Variants in CSF1R observed in about 807,000 individuals in gnomAD.
CSF1R encodes the protein colony stimulating factor 1 receptor.
Under a neutral mutation model 110.0 loss-of-function variants are expected in CSF1R, and 40 were observed. The ratio of observed to expected loss-of-function variants is 0.36; its 90% CI spans 0.28 to 0.47. The LOEUF is 0.47. Among genes scored for constraint, CSF1R ranks in the 20% least tolerant of loss-of-function variants. The pLI, the probability that CSF1R is intolerant of heterozygous loss-of-function variation, is 0.99. For missense variants in CSF1R, 1,052 were observed against 1,253.0 expected, an observed-to-expected ratio of 0.84 and a Z score of 2.42; for synonymous variants, 523 against 503.4, an observed-to-expected ratio of 1.04 and a Z score of -0.52.
intron 1 of CSF1R, among the ~76,000 whole-genome samples, chr5:150,101,135 C>T (rs1057122776): frequency 1.3e-5 from 2 of 151,848 alleles, no homozygotes; most frequent in Admixed American, 1.3e-4. Flanking sequence ...CGTGCAGGTG[C>T]TGCTTTGGCC....
rs1350384812 is a variant in CSF1R at position 150,077,364 on chromosome 5, T to A, written c.801A>T (p.Gln267His). ...YQKVLTLNLDQVDFQHAGNYS... is the reference protein window; with the variant it reads ...YQKVLTLNLDHVDFQHAGNYS... Reference sequence around the variant, plus strand: ...AGTTGCCGGCATGTTGGAAATCTACTTGATCGAGGTTGAGGGTCAGGACTT... The same window carrying A: ...AGTTGCCGGCATGTTGGAAATCTACATGATCGAGGTTGAGGGTCAGGACTT... Residue 267 changes from glutamine (Q) to histidine (H), a missense_variant, in exon 5 of 21, where the codon CAA becomes CAT. Transcript: ENST00000675795. 1 of 1,614,174 alleles carries A rather than the reference T, an allele frequency of 6.2e-7. No individual in the cohort carries two copies. Among genetic ancestry groups the A allele is most frequent in the East Asian group, 2.2e-5 (1 of 44,890 alleles).
Position 150,086,514 on chromosome 5 carries a change from G to T in CSF1R, c.-87C>A. 2 of 1,247,938 alleles carry T rather than the reference G, an allele frequency of 1.6e-6. No individual in the cohort carries two copies. The highest frequency in any genetic ancestry group is 1.3e-5 in the South Asian group (1 of 77,752). The allele number at this position is 1,247,938 out of a possible 1,614,324, so 77.3% of individuals were successfully genotyped here. A position where few individuals can be genotyped will look rare whatever the true frequency, so the allele number is the denominator to read the frequency against. On this transcript the variant is annotated 5_prime_UTR_variant, in exon 1 of 21. Coordinates refer to ENST00000675795, the MANE Select transcript of CSF1R (RefSeq NM_001288705.3). The stretch of plus-strand genomic sequence containing the variant: ...TCAGCTACTAGCTCCGCAGGGATCG[G>T]GACACTGGACACACGTTCCTCTCCT...
intron 5 of CSF1R, chr5:150,077,062 C>T: frequency 3.1e-6 from 2 of 640,290 alleles, no homozygotes; most frequent in Admixed American, 5.0e-5. Flanking sequence ...TGCAGCCATG[C>T]ACTGTAAGAG....
intron 14 of CSF1R, chr5:150,058,382 C>T (rs949891403): frequency 6.6e-6 from 3 of 454,318 alleles, no homozygotes; most frequent in African/African-American, 6.0e-5. Flanking sequence ...CCTGTCCCCT[C>T]TGCGCTAGAG....
rs766699111 is a variant in CSF1R, at chr5:150,061,738, TC to T, written c.1737del (p.Asn580ThrfsTer32). 1.2e-6 allele frequency: 2 copies of T among 1,614,198 alleles called. No homozygotes were observed. Among genetic ancestry groups the T allele is most frequent in the Non-Finnish European group, 1.7e-6 (2 of 1,180,038 alleles). ...GCCATCTCACCAAACTGCAGGTTGTTCCGGGGGAACTCCCACTTCTCGTTGT... is the reference window on the plus strand; with the variant it reads ...GCCATCTCACCAAACTGCAGGTTGTTCGGGGGAACTCCCACTTCTCGTTGT... The part of the protein sequence containing the change: ...LPYNEKWEFP[R>X]NNLQFGKTLG... On this transcript the variant is annotated frameshift_variant, in exon 11 of 21. Coordinates refer to ENST00000675795, the MANE Select transcript of CSF1R (RefSeq NM_001288705.3). LOFTEE classifies it high-confidence loss of function.
At chr5:150,058,308 C>T (rs1411065501) in intron 14 of CSF1R, 1 of 456,152 alleles carries the variant, frequency 2.2e-6, no homozygotes, top group Non-Finnish European at 4.4e-6. Flanking sequence ...ATTTGAGAAG[C>T]ACTACTGTAG....
chr5:150,107,109 G>A (rs982509780), intron 1 of CSF1R, among the ~76,000 whole-genome samples: 2 of 152,194 alleles, frequency 1.3e-5, no homozygotes, highest in African/African-American at 4.8e-5. Context: ...ATGAATGAAT[G>A]AATAAATGAA....
At chr5:150,064,061 T>C (rs1487110141) in intron 10 of CSF1R, among the ~76,000 whole-genome samples, 1 of 152,138 alleles carries the variant, frequency 6.6e-6, no homozygotes, top group Non-Finnish European at 1.5e-5. Flanking sequence ...ACAGAAAACC[T>C]ACATACCGCA....
chr5:150,112,015 GC>G (rs1488251551), intron 1 of CSF1R, among the ~76,000 whole-genome samples: 6 of 152,144 alleles, frequency 3.9e-5, no homozygotes, highest in Non-Finnish European at 8.8e-5. Flanking sequence ...GTGTTAAGCA[GC>G]CCCCTTAAAG....
At chr5:150,064,817 C>T (rs902249411) in intron 10 of CSF1R, among the ~76,000 whole-genome samples, 16 of 152,242 alleles carry the variant, frequency 1.1e-4, no homozygotes, top group South Asian at 4.1e-4. Flanking sequence ...TTTCTGGAAG[C>T]GGACCAAGCT....
At chr5:150,088,180 GAA>G (rs1311463151), upstream of CSF1R, among the ~76,000 whole-genome samples, 2 of 152,014 alleles carry the variant, frequency 1.3e-5, no homozygotes, top group Non-Finnish European at 2.9e-5. Flanking sequence ...TTCTTTTTCA[GAA>G]AAGTGTTTTG....
upstream of CSF1R, among the ~76,000 whole-genome samples, chr5:150,090,592 C>T (rs1209338880): frequency 2.0e-5 from 3 of 152,018 alleles, no homozygotes; most frequent in Non-Finnish European, 4.4e-5. Context: ...TGTAGAATCA[C>T]GCAATATGTA....
chr5:150,069,154 CA>C (rs1260668090), intron 9 of CSF1R, among the ~76,000 whole-genome samples: 2 of 152,178 alleles, frequency 1.3e-5, no homozygotes, highest in Non-Finnish European at 2.9e-5. Context: ...ACCCTGGTAG[CA>C]GTTGCTCCAA....
At chr5:150,067,145 C>G (rs1757809423) in intron 10 of CSF1R, 1 of 152,136 alleles carries the variant, frequency 6.6e-6, no homozygotes, top group Non-Finnish European at 1.5e-5. Flanking sequence ...GCCATGGGCT[C>G]TAGGGACAGA....
intron 1 of CSF1R, among the ~76,000 whole-genome samples, chr5:150,084,858 G>A (rs1332680596): frequency 6.6e-6 from 1 of 152,188 alleles, no homozygotes; most frequent in African/African-American, 2.4e-5. Context: ...ATAGGACAAG[G>A]CAGTGAAATC....
intron 4 of CSF1R, 57 bp downstream of exon 4, chr5:150,078,055 A>C: frequency 6.2e-7 from 1 of 1,605,042 alleles, no homozygotes; most frequent in East Asian, 2.2e-5. Context: ...CCACCATGGG[A>C]AACCTGGTGT....
intron 1 of CSF1R, among the ~76,000 whole-genome samples, chr5:150,098,852 A>G (rs1256532311): frequency 2.0e-5 from 3 of 151,582 alleles, no homozygotes; most frequent in African/African-American, 7.3e-5. Flanking sequence ...AGAAAACCTG[A>G]CAGTTTCAAG....
intron 10 of CSF1R, among the ~76,000 whole-genome samples, chr5:150,064,159 G>A (rs746084311): frequency 2.1e-4 from 32 of 152,236 alleles, no homozygotes; most frequent in Non-Finnish European, 3.4e-4. Flanking sequence ...CTAGAGCAGG[G>A]AGGGTGGAAG....
At chr5:150,099,725 G>T (rs1234472859) in intron 1 of CSF1R, among the ~76,000 whole-genome samples, 3 of 98,532 alleles carry the variant, frequency 3.0e-5, no homozygotes, top group Non-Finnish European at 5.8e-5. Context: ...TGGAGGGAGG[G>T]CTTCAAAGAA....
Sources: gnomAD v4.1 joint callset for allele counts (sites outside exome capture counted in the v4.1 genomes callset) on GRCh38, gnomAD v4.1.1 for gene constraint, MANE v1.5 for transcripts, NCBI Gene and HGNC (gene_info 2026-07-23, HGNC 2026-07-21) for gene names.